The following TRERF1 variants were observed in gnomAD, a reference collection of about 807,000 sequenced individuals.
The protein encoded by TRERF1 is transcriptional regulating factor 1, also known as transcriptional-regulating factor 1.
TRERF1 carries 27 observed loss-of-function variants against 122.9 expected under a neutral mutation model. The observed-to-expected ratio is 0.22, with a 90% CI of 0.16 to 0.30. The LOEUF (loss-of-function observed/expected upper bound fraction) is 0.30. Ranked by LOEUF, TRERF1 falls within the 10% of genes least tolerant of loss-of-function variation. The pLI, the probability that TRERF1 is intolerant of heterozygous loss-of-function variation, is 1.00. For synonymous variants in TRERF1, 636 were observed against 641.7 expected (o/e 0.99, Z 0.13); for missense variants, 1,248 against 1,560.3 (o/e 0.80, Z 3.37).
chr6:42,282,453 T>G (rs948388024), intron 4 of TRERF1, among the ~76,000 whole-genome samples: 4 of 152,084 alleles, frequency 2.6e-5, no homozygotes, highest in Non-Finnish European at 4.4e-5. Context: ...GAAGCTGAGG[T>G]GGGAGCATCA....
intron 16 of TRERF1, among the ~76,000 whole-genome samples, chr6:42,233,348 C>T (rs564167400): frequency 7.1e-5 from 10 of 141,534 alleles, no homozygotes; most frequent in African/African-American, 1.1e-4. Flanking sequence ...TGTGGTGGTG[C>T]GGTCTCAGCT....
chr6:42,299,094 A>G (rs72857626), intron 4 of TRERF1, among the ~76,000 whole-genome samples: 17,554 of 141,808 alleles, frequency 0.12, 1,506 homozygotes, highest in African/African-American at 0.21. Context: ...CTATCTATCT[A>G]TCTGTCTGTC....
At chr6:42,429,109 A>G (rs1463126175) in intron 2 of TRERF1, among the ~76,000 whole-genome samples, 1 of 152,226 alleles carries the variant, frequency 6.6e-6, no homozygotes, top group Non-Finnish European at 1.5e-5. Context: ...CATTATTTTA[A>G]GTGAAAACTA....
intron 13 of TRERF1, among the ~76,000 whole-genome samples, 163 bp from the exon 14 acceptor site, chr6:42,246,707 C>T (rs1774866265): frequency 6.6e-6 from 1 of 152,156 alleles, no homozygotes; most frequent in South Asian, 2.1e-4. Context: ...TGGTTAGGAG[C>T]TCTGACACCT....
At chr6:42,435,561 C>T (rs531065153) in intron 2 of TRERF1, among the ~76,000 whole-genome samples, 13 of 151,372 alleles carry the variant, frequency 8.6e-5, no homozygotes, top group African/African-American at 2.2e-4. Context: ...AGGAATTTAC[C>T]GCCCAAAAAG....
chr6:42,419,685 A>G (rs1321630482), intron 2 of TRERF1, among the ~76,000 whole-genome samples: 2 of 152,088 alleles, frequency 1.3e-5, no homozygotes, highest in African/African-American at 4.8e-5. Context: ...AGAATGTCCT[A>G]TACTTGGGCC....
intron 3 of TRERF1, among the ~76,000 whole-genome samples, chr6:42,338,091 T>G (rs1248073288): frequency 6.6e-6 from 1 of 152,170 alleles, no homozygotes; most frequent in Non-Finnish European, 1.5e-5. Flanking sequence ...AGGAGTTACA[T>G]TGAAATCAGC....
intron 3 of TRERF1, among the ~76,000 whole-genome samples, chr6:42,341,830 T>C (rs1562024446): frequency 6.6e-6 from 1 of 152,226 alleles, no homozygotes; most frequent in South Asian, 2.1e-4. Flanking sequence ...ATGTTGGATG[T>C]GATGGGGTAG....
chr6:42,227,079 C>G (rs1338988100), exon 18 of TRERF1: 1 of 152,234 alleles, frequency 6.6e-6, no homozygotes, highest in South Asian at 2.1e-4. Context: ...CAAACAGCAA[C>G]CCTGCTGACA....
chr6:42,243,297 A>G (rs1186008022), exon 15 of TRERF1: 1 of 1,614,180 alleles, frequency 6.2e-7, no homozygotes, highest in Non-Finnish European at 8.5e-7. Context: ...TTTCCGCCCC[A>G]GCCGCATGAT....
intron 3 of TRERF1, among the ~76,000 whole-genome samples, chr6:42,310,200 C>G (rs1349787613): frequency 6.6e-6 from 1 of 152,168 alleles, no homozygotes; most frequent in Non-Finnish European, 1.5e-5. Context: ...AACTTCTGGG[C>G]TCAGGCAATC....
At position 42,428,675 on chromosome 6, in the gene TRERF1, A is replaced by G. The variant is rs1693867654; in HGVS notation, c.-454+22502T>C. On this transcript the variant is annotated intron_variant, in intron 2 of 17. Coordinates refer to ENST00000372922, the Ensembl canonical transcript of TRERF1. The stretch of plus-strand genomic sequence containing the variant: ...TCATATGGAAAAACCAAAACTCCAA[A>G]GGAGATTAACAGTTGAAGCCTTGAG... Among the ~76,000 whole-genome samples the G allele has an allele frequency of 4.6e-5, 7 of 152,332 alleles. No homozygotes were observed. The South Asian group carries it at 1.5e-3, about 32-fold the overall frequency.
At chr6:42,385,444 G>A (rs1214217900) in intron 2 of TRERF1, among the ~76,000 whole-genome samples, 6 of 152,188 alleles carry the variant, frequency 3.9e-5, no homozygotes, top group Non-Finnish European at 8.8e-5. Flanking sequence ...CCACCACCCT[G>A]AAGTTACGTG....
chr6:42,358,796 T>C lies in TRERF1; in HGVS notation c.-371+4201A>G, dbSNP rs541556205. 6.8e-4 allele frequency among the ~76,000 whole-genome samples: 103 copies of C among 151,174 alleles called. 1 individual carries two copies. In the East Asian group the frequency reaches 0.019, roughly 28 times the overall value. On this transcript the variant is annotated intron_variant, in intron 3 of 17. Coordinates refer to ENST00000372922, the Ensembl canonical transcript of TRERF1. ...AATGACCTAAAGCTTTTTTTTTTTT[T>C]TTTTTTTCTCCTAGTGCTTTCTGGG... is the stretch of plus-strand genomic sequence containing the variant.
chr6:42,412,345 A>T (rs1781240106), intron 2 of TRERF1, among the ~76,000 whole-genome samples: 1 of 152,228 alleles, frequency 6.6e-6, no homozygotes. Flanking sequence ...ACATGTTCAG[A>T]GAAATTTCTC....
rs74986509 is a variant in TRERF1, at chr6:42,257,148, T to A, written c.2337-46A>T. 5,746 of 1,609,762 alleles carry A rather than the reference T, an allele frequency of 3.6e-3. 155 individuals are homozygous for A. In the African/African-American group the frequency reaches 0.061, roughly 17 times the overall value. On this transcript the variant is annotated intron_variant, in intron 10 of 17. Coordinates refer to ENST00000372922, the Ensembl canonical transcript of TRERF1. ...AACAACAATGTGGTCTTCAATTTGA[T>A]GGCTCAGGCCAAGGGCAACTGTCAG...
chr6:42,419,500 G>A (rs976638450), intron 2 of TRERF1, among the ~76,000 whole-genome samples: 1 of 151,966 alleles, frequency 6.6e-6, no homozygotes, highest in Non-Finnish European at 1.5e-5. Context: ...CCCAACATGT[G>A]CCAACAAATT....
intron 2 of TRERF1, among the ~76,000 whole-genome samples, chr6:42,382,469 C>T (rs567856244): frequency 1.3e-5 from 2 of 149,108 alleles, no homozygotes; most frequent in East Asian, 4.0e-4. Context: ...AACCAGTGGT[C>T]ACTGACAGGT....
chr6:42,391,647 G>A (rs1280387599), intron 2 of TRERF1, among the ~76,000 whole-genome samples: 2 of 151,974 alleles, frequency 1.3e-5, no homozygotes, highest in Admixed American at 6.6e-5. Flanking sequence ...TGTGGGCCTC[G>A]GATCCTAAGA....
Sources: gnomAD v4.1 joint callset for allele counts (sites outside exome capture counted in the v4.1 genomes callset) on GRCh38, gnomAD v4.1.1 for gene constraint, MANE v1.5 for transcripts, NCBI Gene and HGNC (gene_info 2026-07-23, HGNC 2026-07-21) for gene names.